The following CCSER1 variants were observed in gnomAD, a reference collection of about 807,000 sequenced individuals.
CCSER1 encodes the protein coiled-coil serine rich protein 1, also known as serine-rich coiled-coil domain-containing protein 1.
Under a neutral mutation model 82.0 loss-of-function variants are expected in CCSER1, and 41 were observed. The ratio of observed to expected loss-of-function variants is 0.50; its 90% CI spans 0.39 to 0.65. The LOEUF (loss-of-function observed/expected upper bound fraction) is 0.65, where lower values mean the gene tolerates loss of function less well. CCSER1 is among the 30% of genes least tolerant of loss of function. CCSER1 has a pLI of 0.00. For missense variants in CCSER1, 1,119 were observed against 1,064.2 expected, an observed-to-expected ratio of 1.05 and a Z score of -0.72; for synonymous variants, 414 against 383.9, an observed-to-expected ratio of 1.08 and a Z score of -0.92.
At chr4:91,124,605 T>C (rs1727349108) in intron 10 of CCSER1, among the ~76,000 whole-genome samples, 1 of 151,814 alleles carries the variant, frequency 6.6e-6, no homozygotes, top group Admixed American at 6.6e-5. Context: ...CCTACTACGA[T>C]ATATGAATGT....
At chr4:91,023,661 T>A (rs1422860566) in intron 9 of CCSER1, among the ~76,000 whole-genome samples, 2 of 152,110 alleles carry the variant, frequency 1.3e-5, no homozygotes, top group Non-Finnish European at 2.9e-5. Flanking sequence ...TTAATTCAAG[T>A]TGGATTAAAA....
intron 5 of CCSER1, among the ~76,000 whole-genome samples, chr4:90,545,247 G>T: frequency 6.6e-6 from 1 of 152,062 alleles, no homozygotes; most frequent in East Asian, 1.9e-4. Context: ...CTTCCCTCAT[G>T]CATACATATA....
At chr4:91,176,249 A>T (rs984105897) in intron 10 of CCSER1, among the ~76,000 whole-genome samples, 2 of 152,196 alleles carry the variant, frequency 1.3e-5, no homozygotes, top group African/African-American at 4.8e-5. Flanking sequence ...GTTTGAAGTC[A>T]GGTAGCGTGA....
chr4:90,367,574 C>G (rs958137056), intron 3 of CCSER1, among the ~76,000 whole-genome samples: 2 of 150,804 alleles, frequency 1.3e-5, no homozygotes, highest in African/African-American at 2.4e-5. Context: ...AGAAATAAGG[C>G]CACAAAGACA....
Position 90,260,900 on chromosome 4 carries a change from G to C in CCSER1, c.-41-47344G>C, listed in dbSNP as rs1724212723. Among the ~76,000 whole-genome samples the C allele has an allele frequency of 2.0e-5, 3 of 152,052 alleles. No individual in the cohort carries two copies. The South Asian group carries it at 6.2e-4, about 31-fold the overall frequency. ...CTGGCTAATTTTTCTATTTTTAGTAGAAACGGAATTTCACCATGTTGGCCA... is the reference window on the plus strand; with the variant it reads ...CTGGCTAATTTTTCTATTTTTAGTACAAACGGAATTTCACCATGTTGGCCA... On this transcript the variant is annotated intron_variant, in intron 1 of 10. Transcript: ENST00000509176.
intron 10 of CCSER1, among the ~76,000 whole-genome samples, chr4:91,252,463 G>T (rs1740327876): frequency 6.6e-6 from 1 of 152,116 alleles, no homozygotes; most frequent in African/African-American, 2.4e-5. Context: ...TGTAACAATG[G>T]TTTGTAACTC....
At chr4:90,587,795 G>A (rs1457301033) in intron 5 of CCSER1, among the ~76,000 whole-genome samples, 3 of 152,112 alleles carry the variant, frequency 2.0e-5, no homozygotes, top group Non-Finnish European at 4.4e-5. Context: ...ATAAGGAAAT[G>A]ATTTATAGTT....
chr4:90,588,576 C>A (rs902897028), intron 5 of CCSER1, among the ~76,000 whole-genome samples: 24 of 152,150 alleles, frequency 1.6e-4, no homozygotes, highest in Non-Finnish European at 2.5e-4. Flanking sequence ...ATTTTCAAAG[C>A]CCCTCACCTT....
At chr4:91,287,823 A>C (rs1743402678) in intron 10 of CCSER1, among the ~76,000 whole-genome samples, 1 of 151,882 alleles carries the variant, frequency 6.6e-6, no homozygotes, top group African/African-American at 2.4e-5. Context: ...AGCTAGAAAG[A>C]GGGAAAGGCA....
chr4:91,174,619 T>C (rs1219730228), intron 10 of CCSER1, among the ~76,000 whole-genome samples: 1 of 152,078 alleles, frequency 6.6e-6, no homozygotes, highest in East Asian at 1.9e-4. Context: ...GCTACTATAC[T>C]TTAAAATTTG....
At position 91,093,551 on chromosome 4, in the gene CCSER1, G is replaced by T. The variant is rs187628288; in HGVS notation, c.2217+7557G>T. Among the ~76,000 whole-genome samples, 12 of 152,334 alleles carry T rather than the reference G, an allele frequency of 7.9e-5. No individual in the cohort carries two copies. The East Asian group carries it at 2.1e-3, about 27-fold the overall frequency. On this transcript the variant is annotated intron_variant, in intron 10 of 10. Coordinates refer to ENST00000509176, the MANE Select transcript of CCSER1 (RefSeq NM_001145065.2). ...GTTTTGCCCAAGGGTTAGCTTGTCTGCTTCTTATGCTAACAGGACTGTAGC... is the reference window on the plus strand; with the variant it reads ...GTTTTGCCCAAGGGTTAGCTTGTCTTCTTCTTATGCTAACAGGACTGTAGC...
rs545600361 is a variant in CCSER1, at chr4:90,138,937, CA to C, written c.-42+11109del. On this transcript the variant is annotated intron_variant, in intron 1 of 10. Transcript: ENST00000509176. ...TGTCAGAATTCTTTCATTCAGTAAA[CA>C]AATGTTACTAGGCCCTATGCATGTA... 1.0e-3 allele frequency among the ~76,000 whole-genome samples: 153 copies of C among 152,308 alleles called. 4 individuals carry two copies. In the South Asian group the frequency reaches 0.031, roughly 31 times the overall value.
intron 10 of CCSER1, among the ~76,000 whole-genome samples, chr4:91,384,467 CA>C (rs1412380434): frequency 6.6e-6 from 1 of 150,720 alleles, no homozygotes; most frequent in Non-Finnish European, 1.5e-5. Context: ...TTTAAACAGT[CA>C]AAAATCTTTT....
intron 3 of CCSER1, among the ~76,000 whole-genome samples, chr4:90,373,461 A>G (rs1211392817): frequency 6.6e-6 from 1 of 152,222 alleles, no homozygotes; most frequent in Non-Finnish European, 1.5e-5. Context: ...AATAAAGTTC[A>G]TAGTGAAATA....
chr4:90,352,707 C>G (rs535189880), intron 3 of CCSER1, among the ~76,000 whole-genome samples: 2 of 151,182 alleles, frequency 1.3e-5, no homozygotes, highest in Non-Finnish European at 3.0e-5. Context: ...CACACACACA[C>G]GCAGATAGTA....
At chr4:90,380,528 G>T (rs894360407) in intron 3 of CCSER1, among the ~76,000 whole-genome samples, 1 of 151,990 alleles carries the variant, frequency 6.6e-6, no homozygotes. Context: ...ATTTAGCCTC[G>T]ACTGAAATTG....
At chr4:90,562,044 G>A (rs113753809) in intron 5 of CCSER1, among the ~76,000 whole-genome samples, 2,965 of 151,970 alleles carry the variant, frequency 0.02, 96 homozygotes, top group African/African-American at 0.068. Context: ...CCAAATGTTA[G>A]CCGGGCATAG....
At chr4:91,097,925 T>C (rs1724666113) in intron 10 of CCSER1, among the ~76,000 whole-genome samples, 1 of 152,206 alleles carries the variant, frequency 6.6e-6, no homozygotes, top group Non-Finnish European at 1.5e-5. Flanking sequence ...ACTAACTTTC[T>C]CTGCTGGATT....
At chr4:90,156,469 G>A (rs1176452152) in intron 1 of CCSER1, among the ~76,000 whole-genome samples, 2 of 152,118 alleles carry the variant, frequency 1.3e-5, no homozygotes, top group African/African-American at 2.4e-5. Flanking sequence ...TGTTGACAGT[G>A]GGGCGTTAAA....
Sources: gnomAD v4.1 joint callset for allele counts (sites outside exome capture counted in the v4.1 genomes callset) on GRCh38, gnomAD v4.1.1 for gene constraint, MANE v1.5 for transcripts, NCBI Gene and HGNC (gene_info 2026-07-23, HGNC 2026-07-21) for gene names.